Variants in CBLIF observed in about 807,000 individuals in gnomAD.
CBLIF encodes the protein cobalamin binding intrinsic factor, also known as gastric intrinsic factor (vitamin B synthesis).
A neutral mutation model predicts 44.9 loss-of-function variants in CBLIF; 24 were observed. The ratio of observed to expected loss-of-function variants is 0.53; its 90% CI spans 0.39 to 0.75. CBLIF has a LOEUF of 0.75. CBLIF is among the 30% of genes least tolerant of loss of function. The pLI, the probability that CBLIF is intolerant of heterozygous loss-of-function variation, is 0.00. For missense variants in CBLIF, 481 were observed against 513.0 expected (o/e 0.94, Z 0.60); for synonymous variants, 183 against 190.9 (o/e 0.96, Z 0.34).
chr11:59,839,542 C>A (rs1014416867), intron 5 of CBLIF, among the ~76,000 whole-genome samples: 1 of 152,088 alleles, frequency 6.6e-6, no homozygotes, highest in Non-Finnish European at 1.5e-5. Flanking sequence ...GTGATAGTTC[C>A]AGAGCCCTTT....
In CBLIF at chr11:59,842,594, G is replaced by T. The variant is rs781645884; in HGVS notation, c.371-11C>A. On this transcript the variant is annotated splice_polypyrimidine_tract_variant and intron_variant, in intron 3 of 8. Transcript: ENST00000257248. ...CTTCAGCGTTGGGGCCTCCGAAGGG[G>T]ATAGAGAACCTTCATCAGACTCACA... 3.1e-6 allele frequency: 5 copies of T among 1,612,710 alleles called. No homozygotes were observed. Among genetic ancestry groups the T allele is most frequent in the Admixed American group, 3.3e-5 (2 of 60,024 alleles).
intron 1 of CBLIF, among the ~76,000 whole-genome samples, chr11:59,845,066 T>C (rs1866587838): frequency 6.6e-6 from 1 of 152,070 alleles, no homozygotes; most frequent in South Asian, 2.1e-4. Context: ...TCTCACCATG[T>C]TGCCCAGGCT....
At position 59,829,580 on chromosome 11, in the gene CBLIF, T is replaced by C. The variant is rs780892039; in HGVS notation, c.1193-35A>G. On this transcript the variant is annotated intron_variant, in intron 8 of 8. Transcript: ENST00000257248. ...AGCAGAGAATAACATGAGGTGACTGTGGTGCATGTAACCACCTCCATCCCC... is the reference window on the plus strand; with the variant it reads ...AGCAGAGAATAACATGAGGTGACTGCGGTGCATGTAACCACCTCCATCCCC... 7.3e-6 allele frequency: 10 copies of C among 1,369,284 alleles called. No homozygotes were observed. In the African/African-American group the frequency reaches 1.3e-4, roughly 18 times the overall value. The allele number at this position is 1,369,284 out of a possible 1,614,324, so 84.8% of individuals were successfully genotyped here.
chr11:59,835,961 G>A lies in CBLIF; in HGVS notation c.920C>T (p.Thr307Ile). 1 of 1,614,162 alleles carries A rather than the reference G, an allele frequency of 6.2e-7. No homozygotes were observed. The highest frequency in any genetic ancestry group is 1.7e-5 in the Admixed American group (1 of 60,028). Residue 307 changes from threonine (T) to isoleucine (I), a missense_variant, in exon 7 of 9, where the codon ACC (threonine) becomes ATC (isoleucine). Physicochemically the swap from Thr to Ile is moderately conservative, Grantham distance 89. Transcript: ENST00000257248. ...TATGACAGTGATGTTAGATGCAGAG[G>A]TGGGGCCAGGGCCAGGGTTGCTGGG... Reference protein sequence around the residue: ...TLPSNPGPGPTSASNITVIYT... With the variant: ...TLPSNPGPGPISASNITVIYT...
intron 5 of CBLIF, 72 bp from the exon 6 acceptor site, chr11:59,837,423 A>T: frequency 9.0e-7 from 1 of 1,106,426 alleles, no homozygotes; most frequent in South Asian, 1.3e-5. Flanking sequence ...ACATGTCTTA[A>T]GAGATAAACT....
At chr11:59,829,680 T>A in intron 8 of CBLIF, 135 bp from the exon 9 acceptor site, 1 of 691,366 alleles carries the variant, frequency 1.4e-6, no homozygotes, top group South Asian at 1.5e-5. Context: ...TAGAGAGAAA[T>A]AAGCAGTTTG....
At chr11:59,845,198 C>G in intron 1 of CBLIF, 177 bp downstream of exon 1, 1 of 837,848 alleles carries the variant, frequency 1.2e-6, no homozygotes, top group Non-Finnish European at 1.9e-6. Flanking sequence ...AGACTTGTCT[C>G]TCAAAGAACT....
chr11:59,841,115 C>T (rs2135093719), intron 5 of CBLIF, 28 bp downstream of exon 5: 2 of 1,572,820 alleles, frequency 1.3e-6, no homozygotes, highest in Non-Finnish European at 1.8e-6. Context: ...GGCAGGAACC[C>T]AACCAAGAGC....
chr11:59,839,167 G>C (rs372398717), intron 5 of CBLIF, among the ~76,000 whole-genome samples: 8 of 152,124 alleles, frequency 5.3e-5, no homozygotes, highest in African/African-American at 1.7e-4. Context: ...CCCTTTTCAA[G>C]ATAAGCGCCT....
rs113362829 is a variant in CBLIF at position 59,840,378 on chromosome 11, T to C, written c.693+765A>G. 7.2e-3 allele frequency among the ~76,000 whole-genome samples: 1,091 copies of C among 152,254 alleles called. 10 individuals are homozygous for C. The highest frequency in any genetic ancestry group is 0.023 in the African/African-American group (975 of 41,554). On this transcript the variant is annotated intron_variant, in intron 5 of 8. Coordinates refer to ENST00000257248, the MANE Select transcript of CBLIF (RefSeq NM_005142.3). ...AGACACTGGAGCTCAAACTTCTTAG[T>C]TGGGATTAGAGGATTCAGCCACAGA...
At chr11:59,843,781 G>A in intron 2 of CBLIF, 98 bp downstream of exon 2, 1 of 887,492 alleles carries the variant, frequency 1.1e-6, no homozygotes, top group Non-Finnish European at 1.9e-6. Context: ...TTTACAGTCA[G>A]AGGCAGCATT....
chr11:59,837,041 C>T (rs746482044), intron 6 of CBLIF, 133 bp downstream of exon 6: 5 of 751,616 alleles, frequency 6.7e-6, no homozygotes, highest in Non-Finnish European at 1.2e-5. Flanking sequence ...CTCTTAAGGA[C>T]TGGGAGTCAG....
Position 59,844,022 on chromosome 11 carries a change from C to A in CBLIF, c.113G>T (p.Gly38Val), listed in dbSNP as rs191614675. 1.9e-6 allele frequency: 3 copies of A among 1,613,978 alleles called. No individual in the cohort carries two copies. The African/African-American group carries it at 4.0e-5, about 22-fold the overall frequency. The change falls in exon 2 of 9, where the codon GGA (glycine) becomes GTA (valine). Residue 38 changes from glycine to valine, a missense_variant. By Grantham distance (109) the Gly-to-Val change is moderately radical (BLOSUM62 -3). Coordinates refer to ENST00000257248, the MANE Select transcript of CBLIF (RefSeq NM_005142.3). ...VPSAQEPLVN[G>V]IQVLMENSVT... ...CGAGTTCTCCATGAGTACTTGTATT[C>A]CATTGACCAAGGGCTCCTGTGCTGA...
intron 3 of CBLIF, 79 bp from the exon 4 acceptor site, chr11:59,842,662 C>A: frequency 6.8e-7 from 1 of 1,462,474 alleles, no homozygotes; most frequent in Non-Finnish European, 9.6e-7. Flanking sequence ...AAAGCCAAGC[C>A]TTTGAAAAGG....
rs1272286990 is a variant in CBLIF at position 59,845,475 on chromosome 11, C to G, written c.-22G>C. The G allele has an allele frequency of 8.6e-6, 13 of 1,504,236 alleles. No individual in the cohort carries two copies. The highest frequency in any genetic ancestry group is 3.8e-4 in the Middle Eastern group (2 of 5,234). The allele number at this position is 1,504,236 out of a possible 1,614,324, so 93.2% of individuals were successfully genotyped here. ...CCATCTCACTCTCTCGTCTATGTCT[C>G]TCATCCACAGGTACCGCGATTTGCA... is the stretch of plus-strand genomic sequence containing the variant. On this transcript the variant is annotated 5_prime_UTR_variant, in exon 1 of 9. Coordinates refer to ENST00000257248, the MANE Select transcript of CBLIF (RefSeq NM_005142.3).
At chr11:59,830,511 T>C (rs894284744) in intron 8 of CBLIF, among the ~76,000 whole-genome samples, 1 of 152,076 alleles carries the variant, frequency 6.6e-6, no homozygotes, top group South Asian at 2.1e-4. Context: ...TGAATTACTT[T>C]CTTTTTAAAA....
rs1302442912 is a variant in CBLIF at position 59,842,530 on chromosome 11, G to A, written c.424C>T (p.Leu142=). The A allele has an allele frequency of 6.2e-7, 1 of 1,613,984 alleles. No homozygotes were observed. Among genetic ancestry groups the A allele is most frequent in the South Asian group, 1.1e-5 (1 of 91,072 alleles). ...GTCGCCTCAGAGTTCTTCTGGCACAGTGCCAAGATCGCTAGACTGGGCCCA... is the reference window on the plus strand; with the variant it reads ...GTCGCCTCAGAGTTCTTCTGGCACAATGCCAAGATCGCTAGACTGGGCCCA... The part of the protein sequence containing the change: ...FYGPSLAILA[L]CQKNSEATLP... Residue 142 remains leucine (L), a synonymous_variant, in exon 4 of 9, where the codon CTG becomes TTG. Transcript: ENST00000257248.
chr11:59,830,439 A>G (rs111802171), intron 8 of CBLIF, among the ~76,000 whole-genome samples: 5,808 of 151,718 alleles, frequency 0.038, 124 homozygotes, highest in Middle Eastern at 0.058. Flanking sequence ...GGGTTTCACC[A>G]TGTTAGCCAG....
chr11:59,842,288 C>G (rs937355554), intron 4 of CBLIF, among the ~76,000 whole-genome samples, 155 bp downstream of exon 4: 2 of 152,220 alleles, frequency 1.3e-5, no homozygotes, highest in Non-Finnish European at 2.9e-5. Context: ...ACCTGCCCAA[C>G]AAACATCTGG....
Sources: gnomAD v4.1 joint callset for allele counts (sites outside exome capture counted in the v4.1 genomes callset) on GRCh38, gnomAD v4.1.1 for gene constraint, MANE v1.5 for transcripts, NCBI Gene and HGNC (gene_info 2026-07-23, HGNC 2026-07-21) for gene names.